PCDH11X: variants seen among roughly 807,000 people sequenced by gnomAD.
The protein encoded by PCDH11X is protocadherin-11 X-linked.
In PCDH11X, 18 loss-of-function variants were observed where a neutral mutation model predicts 53.3. The observed-to-expected ratio is 0.34, with a 90% CI of 0.23 to 0.50. The LOEUF is 0.50. Among genes scored for constraint, PCDH11X ranks in the 20% least tolerant of loss-of-function variants. The pLI is 0.98. For missense variants in PCDH11X, 570 were observed against 1,032.4 expected (o/e 0.55, Z 6.14); for synonymous variants, 279 against 393.3 (o/e 0.71, Z 3.44).
intron 6 of PCDH11X, among the ~76,000 whole-genome samples, chrX:92,183,776 C>T (rs2066041156): frequency 8.9e-6 from 1 of 111,942 alleles, no homozygotes; most frequent in Non-Finnish European, 1.9e-5. Flanking sequence ...AGCAAACAAG[C>T]CCTTATGTCA....
chrX:91,790,747 A>C (rs938675410), intron 1 of PCDH11X, among the ~76,000 whole-genome samples: 1 of 111,226 alleles, frequency 9.0e-6, no homozygotes, highest in Non-Finnish European at 1.9e-5. Context: ...ATTCATTATT[A>C]GTTTAGGAAA....
intron 8 of PCDH11X, among the ~76,000 whole-genome samples, chrX:92,300,692 C>T (rs35879424): frequency 1.8e-5 from 2 of 111,249 alleles, no homozygotes; most frequent in Non-Finnish European, 3.8e-5. Flanking sequence ...TTGGCCAGGC[C>T]GGTCTCTAAC....
At chrX:92,287,063 G>A (rs868257247) in intron 8 of PCDH11X, among the ~76,000 whole-genome samples, 25 of 111,437 alleles carry the variant, frequency 2.2e-4, no homozygotes, top group Middle Eastern at 4.6e-3. Context: ...CTGTATTTAC[G>A]TGACTTTAAG....
chrX:91,792,261 G>A (rs1482898311), intron 1 of PCDH11X, among the ~76,000 whole-genome samples: 2 of 111,487 alleles, frequency 1.8e-5, no homozygotes, highest in African/African-American at 3.3e-5. Context: ...ACTCATAACT[G>A]GAAAAAATAT....
intron 6 of PCDH11X, among the ~76,000 whole-genome samples, chrX:91,998,090 T>C (rs1179244590): frequency 9.0e-6 from 1 of 110,570 alleles, no homozygotes; most frequent in Non-Finnish European, 1.9e-5. Context: ...CCCACCACCA[T>C]GCCCTGCTAA....
At chrX:92,311,579 A>G (rs757763240) in intron 8 of PCDH11X, among the ~76,000 whole-genome samples, 15 of 111,603 alleles carry the variant, frequency 1.3e-4, no homozygotes, top group African/African-American at 4.9e-4. Flanking sequence ...AATATAATTA[A>G]ATGTTTGCTT....
rs751644882 is a variant in PCDH11X, at chrX:92,259,852, A to T, written c.3115-3262A>T. 4.5e-5 allele frequency among the ~76,000 whole-genome samples: 5 copies of T among 111,425 alleles called. No homozygotes were observed. In the South Asian group the frequency reaches 1.5e-3, roughly 34 times the overall value. On this transcript the variant is annotated intron_variant, in intron 7 of 10. Coordinates refer to ENST00000682573, the MANE Select transcript of PCDH11X (RefSeq NM_032968.5). ...CGGGTCCTTTCCTTCAAGGCAGCAG[A>T]TACTCTTATTTCCCAAGGTGTGTCT...
At chrX:92,264,152 G>A (rs151262478) in intron 8 of PCDH11X, among the ~76,000 whole-genome samples, 1,750 of 112,259 alleles carry the variant, frequency 0.016, 31 homozygotes, top group African/African-American at 0.054. Context: ...ATGCCGGAAA[G>A]TAATCTGTTC....
At chrX:92,176,555 A>G (rs1389982408) in intron 6 of PCDH11X, among the ~76,000 whole-genome samples, 2 of 112,105 alleles carry the variant, frequency 1.8e-5, no homozygotes, top group Non-Finnish European at 3.8e-5. Context: ...TGATCATAAA[A>G]CCATTTCTAG....
chrX:91,830,958 G>T (rs768093845), intron 4 of PCDH11X, among the ~76,000 whole-genome samples: 74 of 111,113 alleles, frequency 6.7e-4, no homozygotes, highest in African/African-American at 2.3e-3. Context: ...CTATAATGAA[G>T]AAAAAATTTA....
chrX:92,250,869 A>G (rs2067447972), intron 7 of PCDH11X, among the ~76,000 whole-genome samples: 1 of 109,483 alleles, frequency 9.1e-6, no homozygotes, highest in Non-Finnish European at 1.9e-5. Flanking sequence ...GTGATAGATC[A>G]AGGATATGGT....
chrX:92,496,720 T>G lies in PCDH11X; in HGVS notation c.3367+28398T>G, dbSNP rs1350391586. Among the ~76,000 whole-genome samples, 3 of 108,781 alleles carry G rather than the reference T, an allele frequency of 2.8e-5. No homozygotes were observed. In the East Asian group the frequency reaches 8.5e-4, roughly 31 times the overall value. The allele number at this position is 108,781 out of a possible 115,157, so 94.5% of individuals were successfully genotyped here. ...TATGTAAACATACTGCTTATCTATC[T>G]ACATTTATCTTTCACTATGAGTCCC... On this transcript the variant is annotated intron_variant, in intron 10 of 10. Coordinates refer to ENST00000682573, the MANE Select transcript of PCDH11X (RefSeq NM_032968.5).
chrX:92,200,021 T>A lies in PCDH11X; in HGVS notation c.3034-1354T>A, dbSNP rs189086889. Among the ~76,000 whole-genome samples the A allele has an allele frequency of 4.5e-4, 50 of 111,541 alleles. 1 individual carries two copies. Among genetic ancestry groups the A allele is most frequent in the Non-Finnish European group, 3.8e-5 (2 of 53,071 alleles). ...GAAATGCAACCCAAATAAACTTGGT[T>A]TTTTAAAAAAAAAAGTTAAATGTAC... On this transcript the variant is annotated intron_variant, in intron 6 of 10. Coordinates refer to ENST00000682573, the MANE Select transcript of PCDH11X (RefSeq NM_032968.5).
intron 4 of PCDH11X, among the ~76,000 whole-genome samples, chrX:91,820,812 C>T (rs1158981918): frequency 9.8e-6 from 1 of 101,587 alleles, no homozygotes; most frequent in Non-Finnish European, 1.9e-5. Flanking sequence ...TTAGGTCTAA[C>T]GTTTAAGTCT....
chrX:92,285,315 G>A (rs780792609), intron 8 of PCDH11X, among the ~76,000 whole-genome samples: 4 of 99,251 alleles, frequency 4.0e-5, no homozygotes, highest in East Asian at 3.2e-4. Flanking sequence ...GTGCAATGGC[G>A]CGATCTCGGC....
intron 8 of PCDH11X, among the ~76,000 whole-genome samples, chrX:92,313,173 C>T (rs905427452): frequency 9.2e-6 from 1 of 109,124 alleles, no homozygotes; most frequent in African/African-American, 3.4e-5. Flanking sequence ...TGTAATTCCA[C>T]AAAATGTGTA....
intron 6 of PCDH11X, among the ~76,000 whole-genome samples, chrX:92,184,006 T>C (rs1440942597): frequency 9.0e-6 from 1 of 111,519 alleles, no homozygotes; most frequent in Non-Finnish European, 1.9e-5. Context: ...TATTGCCTTT[T>C]ACATTCCATT....
chrX:92,209,323 A>T (rs1361124733), intron 7 of PCDH11X, among the ~76,000 whole-genome samples: 4 of 112,026 alleles, frequency 3.6e-5, no homozygotes, highest in African/African-American at 1.3e-4. Flanking sequence ...AAAAGTTTGC[A>T]TGTCCGAGAT....
chrX:92,487,048 C>CTTTTTTT lies in PCDH11X; in HGVS notation c.3367+18742_3367+18748dup, dbSNP rs758641899. On this transcript the variant is annotated intron_variant, in intron 10 of 10. Transcript: ENST00000682573. ...TTATTATCTCTGAGAAATATGCTTC[C>CTTTTTTT]TTTTTTTTTTTTTTTTTTTTTTGAG... Among the ~76,000 whole-genome samples, 284 of 67,816 alleles carry CTTTTTTT rather than the reference C, an allele frequency of 4.2e-3. 28 individuals carry two copies. The highest frequency in any genetic ancestry group is 0.016 in the African/African-American group (261 of 15,888). 58.9% of individuals were successfully genotyped at this position (67,816 alleles called of 115,157 possible).
Sources: allele counts gnomAD v4.1 joint callset (sites outside exome capture counted in the v4.1 genomes callset), GRCh38; gene constraint gnomAD v4.1.1; transcripts MANE v1.5; gene names NCBI Gene and HGNC (gene_info 2026-07-23, HGNC 2026-07-21).